The following GREB1L variants were observed in gnomAD, a reference collection of about 807,000 sequenced individuals.
GREB1L encodes GREB1-like protein.
In GREB1L, 17 loss-of-function variants were observed where a neutral mutation model predicts 200.8. That is an observed-to-expected ratio of 0.08 (90% CI 0.06 to 0.13). The LOEUF (loss-of-function observed/expected upper bound fraction) is 0.13. Among genes scored for constraint, GREB1L ranks in the 10% least tolerant of loss-of-function variants. The probability of loss-of-function intolerance (pLI) is 1.00; values close to 1 mark genes in which losing one functional copy is unlikely to be tolerated. For synonymous variants in GREB1L, 789 were observed against 893.0 expected, an observed-to-expected ratio of 0.88 and a Z score of 2.08; for missense variants, 1,657 against 2,367.7, an observed-to-expected ratio of 0.70 and a Z score of 6.23.
intron 17 of GREB1L, among the ~76,000 whole-genome samples, chr18:21,482,551 G>A (rs1213695237): frequency 2.0e-5 from 3 of 151,990 alleles, no homozygotes; most frequent in Admixed American, 6.6e-5. Flanking sequence ...GAGCCACCGC[G>A]CCTGGCCTGA....
rs1159477375 is a variant in GREB1L at position 21,500,636 on chromosome 18, A to T, written c.4066A>T (p.Asn1356Tyr). 1 of 1,531,820 alleles carries T rather than the reference A, an allele frequency of 6.5e-7. No individual in the cohort carries two copies. The highest frequency in any genetic ancestry group is 1.2e-5 in the South Asian group (1 of 80,786). 94.9% of individuals were successfully genotyped at this position (1,531,820 alleles called of 1,614,324 possible). Residue 1356 changes from asparagine (N) to tyrosine (Y), a missense_variant, in exon 23 of 33, where the codon AAC (asparagine) becomes TAC (tyrosine). Coordinates refer to ENST00000424526, the MANE Select transcript of GREB1L (RefSeq NM_001142966.3). ...GGACGTGTATGATGAGGAGGAGATC[A>T]ACACCGGTGAGTGCTGAGCCCAGGG... ...EVDVYDEEEI[N>Y]TDHNESSEVS...
intron 2 of GREB1L, among the ~76,000 whole-genome samples, chr18:21,370,514 G>GA (rs2039832635): frequency 1.3e-5 from 2 of 152,182 alleles, no homozygotes; most frequent in Admixed American, 1.3e-4. Context: ...TTTTAATAGA[G>GA]AAAGAGCATA....
chr18:21,469,091 A>G (rs1277767996), intron 15 of GREB1L, among the ~76,000 whole-genome samples: 2 of 152,230 alleles, frequency 1.3e-5, no homozygotes, highest in African/African-American at 2.4e-5. Flanking sequence ...ATTTTGAGCA[A>G]TGGTAATATC....
intron 1 of GREB1L, among the ~76,000 whole-genome samples, chr18:21,296,423 TA>T (rs1329299932): frequency 6.6e-6 from 1 of 152,164 alleles, no homozygotes; most frequent in Non-Finnish European, 1.5e-5. Context: ...CACTGGGGAC[TA>T]CTGGAGGGGA....
At chr18:21,278,373 T>C (rs1478560583) in intron 1 of GREB1L, among the ~76,000 whole-genome samples, 1 of 129,060 alleles carries the variant, frequency 7.7e-6, no homozygotes, top group Admixed American at 8.7e-5. Context: ...AGAGCAAGAC[T>C]CCATCTCAAA....
chr18:21,335,944 T>A (rs745956604), intron 1 of GREB1L, among the ~76,000 whole-genome samples: 11 of 152,188 alleles, frequency 7.2e-5, no homozygotes, highest in Non-Finnish European at 1.3e-4. Flanking sequence ...ATTACAGGTG[T>A]GAGCCACTGC....
chr18:21,508,708 C>G (rs568953431), intron 27 of GREB1L, 117 bp downstream of exon 27: 385 of 572,400 alleles, frequency 6.7e-4, no homozygotes, highest in Admixed American at 1.0e-3. Context: ...CTCCTCACCA[C>G]TCTTCGGAAA....
intron 16 of GREB1L, among the ~76,000 whole-genome samples, chr18:21,475,010 A>C (rs2035630292): frequency 6.6e-6 from 1 of 152,194 alleles, no homozygotes; most frequent in South Asian, 2.1e-4. Flanking sequence ...CTACAAGATA[A>C]GATTTGGGTG....
At chr18:21,450,292 A>G (rs1174277805) in intron 12 of GREB1L, among the ~76,000 whole-genome samples, 1 of 152,028 alleles carries the variant, frequency 6.6e-6, no homozygotes, top group Non-Finnish European at 1.5e-5. Flanking sequence ...TTGGTACACT[A>G]CAAAATTGGG....
At chr18:21,295,928 T>G (rs1174941847) in intron 1 of GREB1L, among the ~76,000 whole-genome samples, 1 of 152,126 alleles carries the variant, frequency 6.6e-6, no homozygotes, top group Non-Finnish European at 1.5e-5. Flanking sequence ...CAAAAAACAA[T>G]GGATGCTGGT....
intron 1 of GREB1L, among the ~76,000 whole-genome samples, chr18:21,292,118 A>G (rs974269358): frequency 6.6e-6 from 1 of 152,234 alleles, no homozygotes; most frequent in African/African-American, 2.4e-5. Flanking sequence ...TCGAAGTACC[A>G]GAATGAGGGG....
At chr18:21,280,408 C>A (rs917250402) in intron 1 of GREB1L, among the ~76,000 whole-genome samples, 33 of 142,470 alleles carry the variant, frequency 2.3e-4, no homozygotes, top group African/African-American at 8.6e-4. Context: ...TTTTTTTTTA[C>A]TGAATAATAT....
rs2041303659 is a variant in GREB1L at position 21,401,230 on chromosome 18, C to T, written c.613C>T (p.Leu205Phe). ...TEFSNHINLK[L>F]TTQPKKQKHL... is the part of the protein sequence containing the mutation. ...ATTTTCCAACCACATTAACTTGAAGCTCACCACTCAGCCAAAGAAGCAGAA... is the reference window on the plus strand; with the variant it reads ...ATTTTCCAACCACATTAACTTGAAGTTCACCACTCAGCCAAAGAAGCAGAA... The change falls in exon 6 of 33, where the codon CTC becomes TTC. Residue 205 changes from leucine to phenylalanine, a missense_variant. Transcript: ENST00000424526. The T allele has an allele frequency of 1.3e-6, 2 of 1,551,360 alleles. No homozygotes were observed. The highest frequency in any genetic ancestry group is 1.4e-5 in the African/African-American group (1 of 73,016).
At chr18:21,335,026 A>G (rs183035484) in intron 1 of GREB1L, among the ~76,000 whole-genome samples, 3 of 152,308 alleles carry the variant, frequency 2.0e-5, no homozygotes, top group African/African-American at 7.2e-5. Context: ...TTCAGTGGAA[A>G]AGAACTTTGG....
rs750806349 is a variant in GREB1L at position 21,485,688 on chromosome 18, G to C, written c.2625G>C (p.Gly875=). Reference sequence around the variant, plus strand: ...AGTACAGCAAGTCTCTGCAGTGGGGGATCACGAGCCCACTTCTGAGATGTG... The same window carrying C: ...AGTACAGCAAGTCTCTGCAGTGGGGCATCACGAGCCCACTTCTGAGATGTG... ...LSEYSKSLQW[G]ITSPLLRCDE... The change falls in exon 18 of 33, where the codon GGG becomes GGC. Residue 875 remains glycine, a synonymous_variant. Coordinates refer to ENST00000424526, the MANE Select transcript of GREB1L (RefSeq NM_001142966.3). 5 of 1,551,054 alleles carry C rather than the reference G, an allele frequency of 3.2e-6. No individual in the cohort carries two copies. The highest frequency in any genetic ancestry group is 1.4e-5 in the African/African-American group (1 of 73,004).
At chr18:21,483,110 A>T (rs1403837620) in intron 17 of GREB1L, among the ~76,000 whole-genome samples, 1 of 152,210 alleles carries the variant, frequency 6.6e-6, no homozygotes, top group Non-Finnish European at 1.5e-5. Context: ...CTAGTTAATC[A>T]CAGGCCATCT....
chr18:21,447,402 A>G (rs1465544141), intron 11 of GREB1L, among the ~76,000 whole-genome samples: 1 of 152,230 alleles, frequency 6.6e-6, no homozygotes, highest in East Asian at 1.9e-4. Flanking sequence ...TTTAAACTTA[A>G]TACCTTTTCC....
intron 1 of GREB1L, among the ~76,000 whole-genome samples, chr18:21,248,773 T>C (rs1319627783): frequency 6.6e-6 from 1 of 152,204 alleles, no homozygotes; most frequent in Non-Finnish European, 1.5e-5. Context: ...TAGTTAACAT[T>C]ATATACAACC....
chr18:21,365,970 A>T (rs1482441226), intron 1 of GREB1L, 57 bp from the exon 2 acceptor site: 1 of 152,044 alleles, frequency 6.6e-6, no homozygotes, highest in Non-Finnish European at 1.5e-5. Flanking sequence ...TAGAATATGT[A>T]TTTGGAAATT....
Sources: gnomAD v4.1 joint callset for allele counts (sites outside exome capture counted in the v4.1 genomes callset) on GRCh38, gnomAD v4.1.1 for gene constraint, MANE v1.5 for transcripts, NCBI Gene and HGNC (gene_info 2026-07-23, HGNC 2026-07-21) for gene names.